NUP155: variants seen among roughly 807,000 people sequenced by gnomAD.
NUP155 encodes nuclear pore complex protein Nup155.
NUP155 carries 71 observed loss-of-function variants against 180.4 expected under a neutral mutation model. The observed-to-expected ratio is 0.39, with a 90% confidence interval of 0.33 to 0.48. The LOEUF is 0.48. Ranked by LOEUF, NUP155 falls within the 20% of genes least tolerant of loss-of-function variation. The probability of loss-of-function intolerance (pLI) is 0.91; values close to 1 mark genes in which losing one functional copy is unlikely to be tolerated. For synonymous variants in NUP155, 582 were observed against 559.5 expected, an observed-to-expected ratio of 1.04 and a Z score of -0.57; for missense variants, 1,553 against 1,648.9, an observed-to-expected ratio of 0.94 and a Z score of 1.01.
At chr5:37,299,759 G>T (rs1742766299) in intron 30 of NUP155, among the ~76,000 whole-genome samples, 191 bp from the exon 31 acceptor site, 1 of 152,058 alleles carries the variant, frequency 6.6e-6, no homozygotes, top group Non-Finnish European at 1.5e-5. Flanking sequence ...TATGGGCCGG[G>T]TACGGTGACT....
At chr5:37,299,659 C>A (rs775764849) in intron 30 of NUP155, 91 bp from the exon 31 acceptor site, 15 of 1,288,222 alleles carry the variant, frequency 1.2e-5, no homozygotes, top group Non-Finnish European at 1.6e-5. Context: ...AAAAAATAAC[C>A]AAAGATTTTA....
At chr5:37,324,646 T>C (rs1465300847) in intron 19 of NUP155, among the ~76,000 whole-genome samples, 1 of 152,086 alleles carries the variant, frequency 6.6e-6, no homozygotes, top group Admixed American at 6.5e-5. Context: ...CTTGACTTCC[T>C]AAGTTCAAGT....
At chr5:37,370,747 C>A in intron 1 of NUP155, 74 bp downstream of exon 1, 1 of 1,613,044 alleles carries the variant, frequency 6.2e-7, no homozygotes, top group Non-Finnish European at 8.5e-7. Flanking sequence ...GGGACCAACG[C>A]TGGGGATAAG....
intron 5 of NUP155, among the ~76,000 whole-genome samples, chr5:37,351,795 T>C (rs755294724): frequency 3.3e-5 from 5 of 151,724 alleles, no homozygotes; most frequent in Non-Finnish European, 7.4e-5. Context: ...GCTTCTATAA[T>C]ATACATTTTA....
chr5:37,356,671 A>G (rs574947722), intron 4 of NUP155, among the ~76,000 whole-genome samples: 1 of 152,104 alleles, frequency 6.6e-6, no homozygotes, highest in South Asian at 2.1e-4. Context: ...TTTAAAGGAT[A>G]TATTTTAAAT....
In NUP155 at chr5:37,289,904, T is replaced by C. The variant is rs1373778003; in HGVS notation, c.*1996A>G. On this transcript the variant is annotated 3_prime_UTR_variant, in exon 35 of 35. Transcript: ENST00000231498. ...ATGTATCGCATACATTCACTTTACA[T>C]ATTCAAAAAACGCTAAACTTAAGAA... The C allele has an allele frequency of 6.6e-6, 1 of 152,172 alleles. No homozygotes were observed. Among genetic ancestry groups the C allele is most frequent in the Non-Finnish European group, 1.5e-5 (1 of 68,036 alleles). The allele number at this position is 152,172 out of a possible 1,614,324, so 9.4% of individuals were successfully genotyped here.
At chr5:37,308,982 C>T in intron 24 of NUP155, 147 bp downstream of exon 24, 1 of 703,218 alleles carries the variant, frequency 1.4e-6, no homozygotes, top group Non-Finnish European at 2.5e-6. Flanking sequence ...AATGATACCA[C>T]ATTCCTACGT....
chr5:37,364,640 A>AT (rs113039347), intron 1 of NUP155, among the ~76,000 whole-genome samples: 23,959 of 52,630 alleles, frequency 0.46, 1,985 homozygotes, highest in South Asian at 0.52. Flanking sequence ...ATTTTATTTT[A>AT]TTTTTTTTTT....
intron 14 of NUP155, 119 bp downstream of exon 14, chr5:37,331,566 C>T (rs770950728): frequency 1.2e-5 from 6 of 503,430 alleles, no homozygotes; most frequent in Non-Finnish European, 2.0e-5. Context: ...AAGAGCGAAA[C>T]TCCATCTCAA....
chr5:37,340,052 C>T (rs1395989770), intron 11 of NUP155, among the ~76,000 whole-genome samples: 1 of 152,202 alleles, frequency 6.6e-6, no homozygotes, highest in Non-Finnish European at 1.5e-5. Flanking sequence ...AGCCACTGCA[C>T]CCGGCCCCAC....
At chr5:37,344,533 T>C (rs1745950711) in intron 9 of NUP155, among the ~76,000 whole-genome samples, 3 of 149,584 alleles carry the variant, frequency 2.0e-5, no homozygotes. Flanking sequence ...CTGTTTTATA[T>C]TAAAGAGACT....
At chr5:37,354,692 G>A (rs1746698554) in intron 4 of NUP155, among the ~76,000 whole-genome samples, 1 of 151,668 alleles carries the variant, frequency 6.6e-6, no homozygotes, top group African/African-American at 2.4e-5. Context: ...CTCAGACTCA[G>A]GTGATCTGCT....
chr5:37,344,382 AAAAT>A (rs1424378296), intron 9 of NUP155, among the ~76,000 whole-genome samples: 1 of 149,918 alleles, frequency 6.7e-6, no homozygotes, highest in Non-Finnish European at 1.5e-5. Context: ...ATACATATAT[AAAAT>A]ACATATAAAC....
At position 37,327,802 on chromosome 5, in the gene NUP155, T is replaced by C. The variant is rs200384302; in HGVS notation, c.1877-26A>G. ...CTTGTACACACATAAGAAAAACAAA[T>C]CTCTTAATCTTAATCTTAGAACCCA... On this transcript the variant is annotated intron_variant, in intron 17 of 34. Transcript: ENST00000231498. 2.4e-4 allele frequency: 382 copies of C among 1,611,392 alleles called. 2 individuals carry two copies. Among genetic ancestry groups the C allele is most frequent in the Non-Finnish European group, 3.1e-4 (361 of 1,177,806 alleles).
At chr5:37,350,081 A>G (rs572729463) in intron 7 of NUP155, 79 bp downstream of exon 7, 102 of 971,782 alleles carry the variant, frequency 1.0e-4, no homozygotes, top group Non-Finnish European at 7.4e-5. Flanking sequence ...ATTAAGAATG[A>G]TAATTTCTGA....
chr5:37,290,584 T>A lies in NUP155; in HGVS notation c.*1316A>T, dbSNP rs1742192452. 1 of 152,258 alleles carries A rather than the reference T, an allele frequency of 6.6e-6. No individual in the cohort carries two copies. Among genetic ancestry groups the A allele is most frequent in the African/African-American group, 2.4e-5 (1 of 41,472 alleles). 9.4% of individuals were successfully genotyped at this position (152,258 alleles called of 1,614,324 possible). ...TACTTTGAAGCATTTGGTTTGGTTA[T>A]TCTATTTTGTTAAGGAATAATTAAA... is the stretch of plus-strand genomic sequence containing the variant. On this transcript the variant is annotated 3_prime_UTR_variant, in exon 35 of 35. Coordinates refer to ENST00000231498, the MANE Select transcript of NUP155 (RefSeq NM_153485.3).
intron 3 of NUP155, among the ~76,000 whole-genome samples, 194 bp downstream of exon 3, chr5:37,363,694 T>A (rs1230779711): frequency 6.6e-6 from 1 of 152,190 alleles, no homozygotes; most frequent in East Asian, 1.9e-4. Context: ...AAATGCAGAC[T>A]CTTGAGCCTC....
chr5:37,364,192 G>A, intron 2 of NUP155, 55 bp downstream of exon 2: 3 of 1,374,150 alleles, frequency 2.2e-6, no homozygotes, highest in Non-Finnish European at 3.1e-6. Context: ...AGAATTATAA[G>A]AATGAAAAAT....
Position 37,348,600 on chromosome 5 carries a change from T to C in NUP155, c.904-4A>G, listed in dbSNP as rs763326131. ...CATCTTGTCCCAAATCATACACCTG[T>C]GAATACAAAATCATTCTCACTTAAA... On this transcript the variant is annotated splice_polypyrimidine_tract_variant and splice_region_variant and intron_variant, in intron 8 of 34. Coordinates refer to ENST00000231498, the MANE Select transcript of NUP155 (RefSeq NM_153485.3). 1 of 1,566,102 alleles carries C rather than the reference T, an allele frequency of 6.4e-7. No homozygotes were observed. Among genetic ancestry groups the C allele is most frequent in the Non-Finnish European group, 8.8e-7 (1 of 1,136,304 alleles).
Sources: gnomAD v4.1 joint callset for allele counts (sites outside exome capture counted in the v4.1 genomes callset) on GRCh38, gnomAD v4.1.1 for gene constraint, MANE v1.5 for transcripts, NCBI Gene and HGNC (gene_info 2026-07-23, HGNC 2026-07-21) for gene names.